The following ABCB7 variants were observed in gnomAD, a reference collection of about 807,000 sequenced individuals.
The protein encoded by ABCB7 is iron-sulfur clusters transporter ABCB7, mitochondrial.
In ABCB7, 7 loss-of-function variants were observed where a neutral mutation model predicts 54.4. The ratio of observed to expected loss-of-function variants is 0.13; its 90% CI spans 0.07 to 0.24. The LOEUF is 0.24. Among genes scored for constraint, ABCB7 ranks in the 10% least tolerant of loss-of-function variants. The pLI, the probability that ABCB7 is intolerant of heterozygous loss-of-function variation, is 1.00. For missense variants in ABCB7, 356 were observed against 570.4 expected, an observed-to-expected ratio of 0.62 and a Z score of 3.83; for synonymous variants, 218 against 207.1, an observed-to-expected ratio of 1.05 and a Z score of -0.45.
At chrX:75,113,447 A>G (rs184240003) in intron 2 of ABCB7, among the ~76,000 whole-genome samples, 35 of 112,206 alleles carry the variant, frequency 3.1e-4, no homozygotes, top group Non-Finnish European at 4.7e-4. Flanking sequence ...TCATATATAC[A>G]TTTAGAAACA....
chrX:75,145,596 G>A (rs2082085091), intron 1 of ABCB7, among the ~76,000 whole-genome samples: 3 of 111,836 alleles, frequency 2.7e-5, no homozygotes, highest in African/African-American at 6.5e-5. Flanking sequence ...ATGAAGAGCC[G>A]TATGTGACAA....
chrX:75,131,833 A>C (rs2081975906), intron 1 of ABCB7, among the ~76,000 whole-genome samples: 1 of 111,685 alleles, frequency 9.0e-6, no homozygotes, highest in Non-Finnish European at 1.9e-5. Flanking sequence ...CCACCTGAGC[A>C]GCTCTGCATC....
Position 75,053,582 on chromosome X carries a change from T to C in ABCB7, c.2047A>G (p.Lys683Glu). 8.5e-7 allele frequency: 1 copy of C among 1,180,757 alleles called. No homozygotes were observed. The highest frequency in any genetic ancestry group is 1.1e-6 in the Non-Finnish European group (1 of 877,930). The part of the protein sequence containing the change: ...ADEIIVLDQG[K>E]VAERGTHHGL... ...TGGTGGGTACCACGTTCGGCTACCT[T>C]ACCCTAAAAAGTAAACACATGAGAA... is the stretch of plus-strand genomic sequence containing the variant. Residue 683 changes from lysine (K) to glutamate (E), a missense_variant, in exon 16 of 16, where the codon AAG (lysine) becomes GAG (glutamate). By Grantham distance (56) the Lys-to-Glu change is moderately conservative. This residue lies in a region of ABCB7 where 241 missense variants were observed against 470.9 expected (regional missense o/e 0.51). Transcript: ENST00000373394.
intron 4 of ABCB7, among the ~76,000 whole-genome samples, chrX:75,091,675 GAA>G (rs61662732): frequency 2.0e-5 from 2 of 101,286 alleles, no homozygotes; most frequent in African/African-American, 7.1e-5. Flanking sequence ...CAGAAAATCT[GAA>G]AAAAAAAAAT....
chrX:75,071,530 C>A lies in ABCB7; in HGVS notation c.1186G>T (p.Ala396Ser). 1 of 1,211,215 alleles carries A rather than the reference C, an allele frequency of 8.3e-7. No homozygotes were observed. The highest frequency in any genetic ancestry group is 3.0e-5 in the East Asian group (1 of 33,804). The part of the protein sequence containing the change: ...SVGLTAIMVL[A>S]SQGIVAGTLT... ...TTACCTGCCACAATTCCCTGACTGGCGAGCACCATTATAGCTGTTAAACCG... is the reference window on the plus strand; with the variant it reads ...TTACCTGCCACAATTCCCTGACTGGAGAGCACCATTATAGCTGTTAAACCG... The change falls in exon 9 of 16, where the codon GCC (alanine) becomes TCC (serine). Residue 396 changes from alanine to serine, a missense_variant. Physicochemically the swap from Ala to Ser is moderately conservative, Grantham distance 99. Coordinates refer to ENST00000373394, the MANE Select transcript of ABCB7 (RefSeq NM_001271696.3).
At chrX:75,135,396 T>G (rs1242596890) in intron 1 of ABCB7, among the ~76,000 whole-genome samples, 1 of 111,108 alleles carries the variant, frequency 9.0e-6, no homozygotes. Flanking sequence ...ACCAGATGTA[T>G]AAAGAAGAGC....
chrX:75,116,528 G>C (rs770229232), intron 1 of ABCB7, among the ~76,000 whole-genome samples: 2 of 111,601 alleles, frequency 1.8e-5, no homozygotes, highest in African/African-American at 6.5e-5. Context: ...AAGTGGAGCT[G>C]AAAGAAGGCA....
At chrX:75,114,424 T>TA (rs1349064884) in intron 2 of ABCB7, among the ~76,000 whole-genome samples, 2 of 112,156 alleles carry the variant, frequency 1.8e-5, no homozygotes, top group Non-Finnish European at 3.8e-5. Context: ...TTGGTAACAT[T>TA]AAAAAACATA....
intron 4 of ABCB7, among the ~76,000 whole-genome samples, chrX:75,091,302 A>G (rs911427404): frequency 3.6e-5 from 4 of 111,516 alleles, no homozygotes; most frequent in East Asian, 2.8e-4. Context: ...TCAACATTTG[A>G]AAATCAGTTA....
At chrX:75,150,971 C>T (rs915351311) in intron 1 of ABCB7, among the ~76,000 whole-genome samples, 13 of 110,850 alleles carry the variant, frequency 1.2e-4, no homozygotes, top group African/African-American at 3.9e-4. Flanking sequence ...CATTAGAAAC[C>T]CACCAGCCAG....
chrX:75,074,498 G>A (rs996603747), intron 6 of ABCB7, among the ~76,000 whole-genome samples: 1 of 111,459 alleles, frequency 9.0e-6, no homozygotes, highest in Non-Finnish European at 1.9e-5. Context: ...CCCATTACTG[G>A]GTGTATATAT....
intron 15 of ABCB7, among the ~76,000 whole-genome samples, chrX:75,056,510 G>A (rs2081241239): frequency 9.0e-6 from 1 of 111,400 alleles, no homozygotes; most frequent in African/African-American, 3.3e-5. Context: ...CATGACTTGT[G>A]TTCATTAGTT....
At chrX:75,154,638 C>G (rs994041565) in intron 1 of ABCB7, among the ~76,000 whole-genome samples, 1 of 111,713 alleles carries the variant, frequency 9.0e-6, no homozygotes, top group Non-Finnish European at 1.9e-5. Flanking sequence ...TTTGCACATG[C>G]GATTCCTTCT....
intron 1 of ABCB7, among the ~76,000 whole-genome samples, chrX:75,150,836 ATAAT>A (rs1283588582): frequency 3.6e-5 from 4 of 111,934 alleles, no homozygotes; most frequent in Non-Finnish European, 5.6e-5. Flanking sequence ...TTGTATAACA[ATAAT>A]TAAATGATCA....
At chrX:75,103,709 T>G (rs2081658394) in intron 3 of ABCB7, among the ~76,000 whole-genome samples, 1 of 110,490 alleles carries the variant, frequency 9.1e-6, no homozygotes, top group Admixed American at 9.7e-5. Flanking sequence ...GATTTAATCC[T>G]GAGTAATTTT....
At chrX:75,101,103 G>A (rs901441397) in intron 3 of ABCB7, among the ~76,000 whole-genome samples, 3 of 110,785 alleles carry the variant, frequency 2.7e-5, no homozygotes, top group Non-Finnish European at 5.7e-5. Context: ...AATAACAGTA[G>A]CTGTGAGTGG....
intron 15 of ABCB7, among the ~76,000 whole-genome samples, chrX:75,058,326 T>C (rs978399446): frequency 9.0e-6 from 1 of 111,678 alleles, no homozygotes; most frequent in African/African-American, 3.3e-5. Flanking sequence ...TGTTACTCCT[T>C]CTCCTATTAT....
chrX:75,059,473 G>GA (rs1224754960), intron 15 of ABCB7, among the ~76,000 whole-genome samples: 80 of 95,225 alleles, frequency 8.4e-4, no homozygotes, highest in East Asian at 9.9e-4. Context: ...CCTCAAAAAG[G>GA]AAAAAAAAAA....
chrX:75,119,415 C>T (rs1020987869), intron 1 of ABCB7, among the ~76,000 whole-genome samples: 1 of 111,974 alleles, frequency 8.9e-6, no homozygotes, highest in Non-Finnish European at 1.9e-5. Context: ...TCGGTTTTTC[C>T]GTAAGTTGAA....
Sources: allele counts gnomAD v4.1 joint callset (sites outside exome capture counted in the v4.1 genomes callset), GRCh38; gene constraint gnomAD v4.1.1; regional missense constraint gnomAD v4.1.1; transcripts MANE v1.5; gene names NCBI Gene and HGNC (gene_info 2026-07-23, HGNC 2026-07-21).